The following MYBPC1 variants were observed in gnomAD, a reference collection of about 807,000 sequenced individuals.
The protein encoded by MYBPC1 is myosin-binding protein C, slow-type.
MYBPC1 carries 52 observed loss-of-function variants against 147.1 expected under a neutral mutation model. That is an observed-to-expected ratio of 0.35 (90% CI 0.28 to 0.45). The LOEUF (loss-of-function observed/expected upper bound fraction) is 0.45, where lower values mean the gene tolerates loss of function less well. Among genes scored for constraint, MYBPC1 ranks in the 20% least tolerant of loss-of-function variants. The pLI, the probability that MYBPC1 is intolerant of heterozygous loss-of-function variation, is 1.00. For synonymous variants in MYBPC1, 477 were observed against 475.9 expected (o/e 1.00, Z -0.03); for missense variants, 1,228 against 1,440.3 (o/e 0.85, Z 2.39).
At chr12:101,619,832 C>G (rs1156916613) in intron 3 of MYBPC1, among the ~76,000 whole-genome samples, 1 of 152,154 alleles carries the variant, frequency 6.6e-6, no homozygotes, top group Non-Finnish European at 1.5e-5. Context: ...TTATTCATCG[C>G]AATCCAGCCT....
In MYBPC1 at chr12:101,673,312, G is replaced by A; in HGVS notation, c.2614-115G>A. The A allele has an allele frequency of 5.9e-6, 6 of 1,011,520 alleles. No homozygotes were observed. In the Admixed American group the frequency reaches 1.1e-4, roughly 18 times the overall value. 62.7% of individuals were successfully genotyped at this position (1,011,520 alleles called of 1,614,324 possible). Reference sequence around the variant, plus strand: ...TTGCTCACCACCAGACTAGAAGGGTGGTATTTTCCAGCCCTGCCTAGAATG... The same window carrying A: ...TTGCTCACCACCAGACTAGAAGGGTAGTATTTTCCAGCCCTGCCTAGAATG... On this transcript the variant is annotated intron_variant, in intron 24 of 31. Transcript: ENST00000361466.
rs1899175068 is a variant in MYBPC1 at position 101,673,554 on chromosome 12, G to A, written c.2741G>A (p.Gly914Glu). The A allele has an allele frequency of 6.2e-7, 1 of 1,614,068 alleles. No individual in the cohort carries two copies. The highest frequency in any genetic ancestry group is 8.5e-7 in the Non-Finnish European group (1 of 1,179,998). ...AGAAAAGCAGAGAGGAGCCACTCTGGGAAATATGATCTGCAAGTCAAAGTG... is the reference window on the plus strand; with the variant it reads ...AGAAAAGCAGAGAGGAGCCACTCTGAGAAATATGATCTGCAAGTCAAAGTG... ...FIRKAERSHSGKYDLQVKVDK... is the reference protein window; with the variant it reads ...FIRKAERSHSEKYDLQVKVDK... The change falls in exon 25 of 32, where the codon GGG (glycine) becomes GAG (glutamate). Residue 914 changes from glycine to glutamate, a missense_variant. By Grantham distance (98) the Gly-to-Glu change is moderately conservative (BLOSUM62 -2). This residue lies in a region of MYBPC1 where 1,077 missense variants were observed against 1,314.2 expected (regional missense o/e 0.82). Coordinates refer to ENST00000361466, the MANE Select transcript of MYBPC1 (RefSeq NM_002465.4).
At chr12:101,620,542 G>C (rs992195641) in intron 3 of MYBPC1, among the ~76,000 whole-genome samples, 1 of 152,124 alleles carries the variant, frequency 6.6e-6, no homozygotes, top group Non-Finnish European at 1.5e-5. Flanking sequence ...AGTCACAGAG[G>C]GCCATGTGTA....
intron 24 of MYBPC1, among the ~76,000 whole-genome samples, chr12:101,671,500 G>C (rs1527393): frequency 0.38 from 57,902 of 152,080 alleles, 12,112 homozygotes; most frequent in Admixed American, 0.55. Context: ...ACATACCCCC[G>C]GCATGAAATC....
downstream of MYBPC1, among the ~76,000 whole-genome samples, chr12:101,690,043 C>T (rs763008030): frequency 2.3e-4 from 35 of 152,260 alleles, no homozygotes; most frequent in African/African-American, 7.5e-4. Flanking sequence ...GGCGTGGTGG[C>T]GCGTGCCTGT....
chr12:101,651,512 T>A lies in MYBPC1; in HGVS notation c.1526+119T>A, dbSNP rs1894438786. The A allele has an allele frequency of 3.0e-6, 4 of 1,341,856 alleles. No individual in the cohort carries two copies. The East Asian group carries it at 9.4e-5, about 31-fold the overall frequency. 83.1% of individuals were successfully genotyped at this position (1,341,856 alleles called of 1,614,324 possible). A position where few individuals can be genotyped will look rare whatever the true frequency, so the allele number is the denominator to read the frequency against. On this transcript the variant is annotated intron_variant, in intron 16 of 31. Coordinates refer to ENST00000361466, the MANE Select transcript of MYBPC1 (RefSeq NM_002465.4). ...TAGCCATAGGGAGATCATCTATTCC[T>A]GATTCTTCGCTTCCAACTAGCAAGA...
intron 16 of MYBPC1, among the ~76,000 whole-genome samples, chr12:101,651,622 T>A (rs990939201): frequency 1.3e-5 from 2 of 152,184 alleles, no homozygotes; most frequent in African/African-American, 4.8e-5. Flanking sequence ...CTATTCAAAA[T>A]CCATTGACTC....
rs1214747724 is a variant in MYBPC1, at chr12:101,661,175, G to A, written c.1945G>A (p.Val649Met). The A allele has an allele frequency of 1.2e-6, 2 of 1,613,318 alleles. No homozygotes were observed. Among genetic ancestry groups the A allele is most frequent in the South Asian group, 1.1e-5 (1 of 91,036 alleles). Residue 649 changes from valine to methionine, a missense_variant, in exon 20 of 32, where the codon GTG becomes ATG. Transcript: ENST00000361466. ...TGCCACAGACTTCCCTGATCCTCCA[G>A]TGGCACCGACTGTGACAGAGGTGGG... is the stretch of plus-strand genomic sequence containing the variant. ...VKVVDFPDPP[V>M]APTVTEVGDD...
intron 24 of MYBPC1, among the ~76,000 whole-genome samples, chr12:101,671,624 G>A (rs1230031204): frequency 6.6e-6 from 1 of 152,178 alleles, no homozygotes; most frequent in Admixed American, 6.5e-5. Context: ...ACCAGAAGTG[G>A]CAACAAGGCA....
At chr12:101,694,091 A>T in the MYBPC1 span, among the ~76,000 whole-genome samples, 1 of 152,280 alleles carries the variant, frequency 6.6e-6, no homozygotes, top group South Asian at 2.1e-4. Context: ...TACCATGCCT[A>T]CCCAGACATC....
In MYBPC1 at chr12:101,667,793, T is replaced by C; in HGVS notation, c.2418T>C (p.Gly806=). 1 of 1,614,224 alleles carries C rather than the reference T, an allele frequency of 6.2e-7. No individual in the cohort carries two copies. The highest frequency in any genetic ancestry group is 1.7e-5 in the Admixed American group (1 of 60,022). The change falls in exon 23 of 32, where the codon GGT becomes GGC. Residue 806 remains glycine, a synonymous_variant. Transcript: ENST00000361466. Reference sequence around the variant, plus strand: ...ACAAGACGAAGTTCACCATCACAGGTCTGCCAACAGATGCAAAGATCTTTG... The same window carrying C: ...ACAAGACGAAGTTCACCATCACAGGCCTGCCAACAGATGCAAAGATCTTTG... The part of the protein sequence containing the change: ...LIDKTKFTIT[G]LPTDAKIFVR...
chr12:101,675,243 A>T (rs1184205298), intron 25 of MYBPC1, 49 bp from the exon 26 acceptor site: 4 of 1,610,402 alleles, frequency 2.5e-6, no homozygotes, highest in Admixed American at 1.7e-5. Flanking sequence ...CAAAATGTAG[A>T]CTGGGAAAGA....
chr12:101,617,230 T>A lies in MYBPC1; in HGVS notation c.90T>A (p.Thr30=). 6.2e-7 allele frequency: 1 copy of A among 1,613,844 alleles called. No homozygotes were observed. Among genetic ancestry groups the A allele is most frequent in the Non-Finnish European group, 8.5e-7 (1 of 1,179,846 alleles). Residue 30 remains threonine, a synonymous_variant, in exon 3 of 32, where the codon ACT becomes ACA. Coordinates refer to ENST00000361466, the MANE Select transcript of MYBPC1 (RefSeq NM_002465.4). ...CAAGTAAAGAGAAGGAGGCCGGAAC[T>A]ACACCAGCAAAAGGTGAGTTGGAGG... The part of the protein sequence containing the change: ...EEPSKEKEAG[T]TPAKDEEEVS...
intron 9 of MYBPC1, among the ~76,000 whole-genome samples, chr12:101,635,428 C>G (rs1413570628): frequency 2.0e-5 from 3 of 152,110 alleles, no homozygotes; most frequent in African/African-American, 7.2e-5. Flanking sequence ...GTTAATGAGG[C>G]ATATTTTCCT....
downstream of MYBPC1, among the ~76,000 whole-genome samples, chr12:101,690,306 T>C (rs947226832): frequency 7.2e-5 from 11 of 152,242 alleles, no homozygotes; most frequent in African/African-American, 2.7e-4. Flanking sequence ...ACTCTCTCTG[T>C]CTTGTTCCTT....
chr12:101,685,781 G>T lies in MYBPC1; in HGVS notation c.*219G>T. Reference sequence around the variant, plus strand: ...GTTTTCCCACCAGGCCCCCAAGTGTGGTCTTTTTCTTTCCTCCTAATGTTG... The same window carrying T: ...GTTTTCCCACCAGGCCCCCAAGTGTTGTCTTTTTCTTTCCTCCTAATGTTG... On this transcript the variant is annotated 3_prime_UTR_variant, in exon 32 of 32. Transcript: ENST00000361466. The T allele has an allele frequency of 6.2e-6, 5 of 800,852 alleles. No individual in the cohort carries two copies. The highest frequency in any genetic ancestry group is 3.4e-5 in the Admixed American group (1 of 29,250). The allele number at this position is 800,852 out of a possible 1,614,324, so 49.6% of individuals were successfully genotyped here.
In MYBPC1 at chr12:101,662,388, G is replaced by A; in HGVS notation, c.2063G>A (p.Ser688Asn). The change falls in exon 21 of 32, where the codon AGC (serine) becomes AAC (asparagine). Residue 688 changes from serine (S) to asparagine (N), a missense_variant. Around this residue, in one of 2 missense-constraint regions of MYBPC1, gnomAD observed 1,077 missense variants for 1,314.2 expected, o/e 0.82. Coordinates refer to ENST00000361466, the MANE Select transcript of MYBPC1 (RefSeq NM_002465.4). ...GYFIERKKKQ[S>N]SRWMRLNFDL... ...TTTATTGAGAGGAAGAAGAAACAAA[G>A]CTCCAGGTGGATGAGGCTGAATTTT... 1 of 1,614,210 alleles carries A rather than the reference G, an allele frequency of 6.2e-7. No homozygotes were observed.
At chr12:101,672,844 G>GT (rs748577431) in intron 24 of MYBPC1, among the ~76,000 whole-genome samples, 5 of 151,632 alleles carry the variant, frequency 3.3e-5, no homozygotes, top group Non-Finnish European at 5.9e-5. Context: ...GCCAAACTCT[G>GT]TCAAAAAAAA....
intron 6 of MYBPC1, among the ~76,000 whole-genome samples, chr12:101,630,806 G>T (rs1458914432): frequency 6.6e-6 from 1 of 152,140 alleles, no homozygotes; most frequent in African/African-American, 2.4e-5. Flanking sequence ...GGACCTGAGG[G>T]TTGAAGAATT....
Sources: allele counts gnomAD v4.1 joint callset (sites outside exome capture counted in the v4.1 genomes callset), GRCh38; gene constraint gnomAD v4.1.1; regional missense constraint gnomAD v4.1.1; transcripts MANE v1.5; gene names NCBI Gene and HGNC (gene_info 2026-07-23, HGNC 2026-07-21).